MARCHF1: variants seen among roughly 807,000 people sequenced by gnomAD.
The protein encoded by MARCHF1 is membrane associated ring-CH-type finger 1.
A neutral mutation model predicts 54.2 loss-of-function variants in MARCHF1; 40 were observed. The observed-to-expected ratio is 0.74, with a 90% CI of 0.57 to 0.96. The LOEUF (loss-of-function observed/expected upper bound fraction) is 0.96. Among genes scored for constraint, MARCHF1 ranks in the 40% least tolerant of loss-of-function variants. MARCHF1 has a pLI of 0.00. For missense variants in MARCHF1, 586 were observed against 656.5 expected (o/e 0.89, Z 1.17); for synonymous variants, 236 against 236.3 (o/e 1.00, Z 0.01).
intron 3 of MARCHF1, among the ~76,000 whole-genome samples, chr4:163,924,881 A>G (rs1751505399): frequency 1.3e-5 from 2 of 151,898 alleles, no homozygotes; most frequent in Admixed American, 6.6e-5. Flanking sequence ...ATGATTATAC[A>G]AACTTTATTT....
intron 1 of MARCHF1, among the ~76,000 whole-genome samples, chr4:164,278,727 A>G (rs2111331397): frequency 6.6e-6 from 1 of 152,308 alleles, no homozygotes; most frequent in African/African-American, 2.4e-5. Flanking sequence ...TGTGACATAT[A>G]TGATAGGACC....
chr4:164,326,114 A>C (rs1030238257), intron 1 of MARCHF1, among the ~76,000 whole-genome samples: 1 of 152,206 alleles, frequency 6.6e-6, no homozygotes, highest in African/African-American at 2.4e-5. Context: ...CAAGCAGTAA[A>C]GAAACCTTGT....
intron 5 of MARCHF1, among the ~76,000 whole-genome samples, chr4:163,663,418 T>G (rs1462751502): frequency 1.3e-5 from 2 of 152,072 alleles, no homozygotes; most frequent in Non-Finnish European, 2.9e-5. Flanking sequence ...TTCTCACTGC[T>G]GGAGATTTTT....
chr4:164,140,945 A>G (rs1393308772), intron 1 of MARCHF1, among the ~76,000 whole-genome samples: 2 of 152,194 alleles, frequency 1.3e-5, no homozygotes, highest in Non-Finnish European at 1.5e-5. Context: ...CTAACAATCC[A>G]TGAGGGTTAG....
At chr4:164,211,333 A>G (rs555530311) in intron 1 of MARCHF1, among the ~76,000 whole-genome samples, 1,073 of 18,626 alleles carry the variant, frequency 0.058, 13 homozygotes, top group Non-Finnish European at 0.1. Context: ...GTATGTATGT[A>G]TATATATATA....
chr4:164,348,121 T>C (rs1730165017), intron 1 of MARCHF1, among the ~76,000 whole-genome samples: 1 of 151,980 alleles, frequency 6.6e-6, no homozygotes, highest in Admixed American at 6.6e-5. Context: ...TAGAAGCAGA[T>C]GAAAAAGAGA....
chr4:163,743,727 C>T (rs1271427613), intron 4 of MARCHF1, among the ~76,000 whole-genome samples: 2 of 152,008 alleles, frequency 1.3e-5, no homozygotes, highest in Admixed American at 6.5e-5. Context: ...TACAGGCGCC[C>T]GCCACCATGC....
intron 3 of MARCHF1, among the ~76,000 whole-genome samples, chr4:163,904,938 AT>A (rs1751031711): frequency 6.6e-6 from 1 of 152,200 alleles, no homozygotes; most frequent in Non-Finnish European, 1.5e-5. Flanking sequence ...AAGGAAAACA[AT>A]AACTAAAGCT....
At chr4:163,590,175 GC>G (rs1162956211) in intron 7 of MARCHF1, among the ~76,000 whole-genome samples, 1 of 149,106 alleles carries the variant, frequency 6.7e-6, no homozygotes, top group African/African-American at 2.5e-5. Flanking sequence ...AGTGCTCCCT[GC>G]CCCCATCCTT....
chr4:163,898,449 AC>A (rs1400268920), intron 3 of MARCHF1, among the ~76,000 whole-genome samples: 1 of 152,178 alleles, frequency 6.6e-6, no homozygotes. Flanking sequence ...ACATCAATAT[AC>A]ATCGGAGAAA....
chr4:163,808,249 G>A (rs564122495), intron 4 of MARCHF1, among the ~76,000 whole-genome samples: 28 of 152,258 alleles, frequency 1.8e-4, no homozygotes, highest in Admixed American at 5.9e-4. Context: ...ATGCTGTCTG[G>A]AATGTCCGTT....
intron 3 of MARCHF1, among the ~76,000 whole-genome samples, chr4:163,922,131 C>T (rs562391290): frequency 1.2e-4 from 18 of 150,878 alleles, no homozygotes; most frequent in South Asian, 2.1e-4. Context: ...AACCAAACAC[C>T]GCATGTCCTC....
intron 3 of MARCHF1, among the ~76,000 whole-genome samples, chr4:163,966,409 A>C (rs1458994839): frequency 2.0e-5 from 3 of 152,116 alleles, no homozygotes; most frequent in African/African-American, 7.2e-5. Flanking sequence ...ACAGTGTTTA[A>C]GCCTAACGAC....
intron 3 of MARCHF1, among the ~76,000 whole-genome samples, chr4:163,908,425 C>T (rs1751118313): frequency 6.6e-6 from 1 of 152,034 alleles, no homozygotes; most frequent in Non-Finnish European, 1.5e-5. Context: ...AACTTATAAG[C>T]TGGTTAAGAA....
intron 5 of MARCHF1, among the ~76,000 whole-genome samples, chr4:163,640,504 C>T (rs1487576062): frequency 1.3e-5 from 2 of 152,102 alleles, no homozygotes; most frequent in African/African-American, 2.4e-5. Flanking sequence ...TTGAGGTCCA[C>T]ACAAGTGCAA....
chr4:163,729,147 T>G (rs1279256808), intron 4 of MARCHF1, among the ~76,000 whole-genome samples: 1 of 152,166 alleles, frequency 6.6e-6, no homozygotes, highest in African/African-American at 2.4e-5. Context: ...TAATTCTTTT[T>G]ATACATTATT....
chr4:163,541,895 A>G (rs1014756441), intron 9 of MARCHF1, among the ~76,000 whole-genome samples: 2 of 152,212 alleles, frequency 1.3e-5, no homozygotes, highest in African/African-American at 4.8e-5. Context: ...CTCCTCTTCA[A>G]TGTGCACATT....
intron 1 of MARCHF1, chr4:164,188,930 A>G (rs1731050731): frequency 1.3e-6 from 1 of 762,690 alleles, no homozygotes. Context: ...CGAAGCAACC[A>G]AAGATATTGG....
chr4:163,706,114 G>A (rs751851781), intron 4 of MARCHF1, among the ~76,000 whole-genome samples: 1 of 152,042 alleles, frequency 6.6e-6, no homozygotes, highest in Non-Finnish European at 1.5e-5. Context: ...TTGGTTATAG[G>A]TTGCCTAAGG....
Sources: gnomAD v4.1 joint callset for allele counts (sites outside exome capture counted in the v4.1 genomes callset) on GRCh38, gnomAD v4.1.1 for gene constraint, MANE v1.5 for transcripts, NCBI Gene and HGNC (gene_info 2026-07-23, HGNC 2026-07-21) for gene names.